COL22A1: variants seen among roughly 807,000 people sequenced by gnomAD.
COL22A1 encodes the protein collagen type XXII alpha 1 chain.
Under a neutral mutation model 248.9 loss-of-function variants are expected in COL22A1, and 221 were observed. The observed-to-expected ratio is 0.89, with a 90% CI of 0.80 to 0.99. COL22A1 has a LOEUF of 0.99. Ranked by LOEUF, COL22A1 falls within the 50% of genes least tolerant of loss-of-function variation. COL22A1 has a pLI of 0.00. For synonymous variants in COL22A1, 891 were observed against 793.4 expected, an observed-to-expected ratio of 1.12 and a Z score of -2.07; for missense variants, 2,240 against 2,179.0, an observed-to-expected ratio of 1.03 and a Z score of -0.56.
intron 1 of COL22A1, among the ~76,000 whole-genome samples, chr8:138,891,810 C>T (rs974290157): frequency 3.3e-5 from 5 of 152,188 alleles, no homozygotes; most frequent in Admixed American, 2.6e-4. Flanking sequence ...AACTATGCGT[C>T]ATCCAGTTTA....
In COL22A1 at chr8:138,856,591, TGAGAGA is replaced by T. The variant is rs148698442; in HGVS notation, c.659-12439_659-12434del. Among the ~76,000 whole-genome samples the T allele has an allele frequency of 3.6e-3, 383 of 105,884 alleles. 4 individuals carry two copies. The highest frequency in any genetic ancestry group is 4.4e-3 in the South Asian group (13 of 2,970). 69.5% of individuals were successfully genotyped at this position (105,884 alleles called of 152,430 possible). A position where few individuals can be genotyped will look rare whatever the true frequency, so the allele number is the denominator to read the frequency against. On this transcript the variant is annotated intron_variant, in intron 3 of 64. Transcript: ENST00000303045. ...GGGACAGAGAGAGAGACAGAGGCAG[TGAGAGA>T]GAGAGAGAGAGAGAGAGAGAGGAGC...
intron 44 of COL22A1, among the ~76,000 whole-genome samples, chr8:138,657,622 C>A (rs1288907177): frequency 6.6e-6 from 1 of 152,200 alleles, no homozygotes; most frequent in Non-Finnish European, 1.5e-5. Context: ...TGGATGGAGG[C>A]AGTGGCCTTG....
intron 39 of COL22A1, among the ~76,000 whole-genome samples, chr8:138,682,122 G>T (rs1166248788): frequency 6.6e-6 from 1 of 152,156 alleles, no homozygotes; most frequent in Admixed American, 6.5e-5. Flanking sequence ...GATACCAAAG[G>T]TGCAAGTATA....
chr8:138,676,612 G>A lies in COL22A1; in HGVS notation c.3096C>T (p.Ile1032=). 1 of 1,567,404 alleles carries A rather than the reference G, an allele frequency of 6.4e-7. No individual in the cohort carries two copies. Among genetic ancestry groups the A allele is most frequent in the South Asian group, 1.2e-5 (1 of 85,146 alleles). The change falls in exon 41 of 65, where the codon ATC becomes ATT. Residue 1032 remains isoleucine, a synonymous_variant. Transcript: ENST00000303045. ...CVKGDRGAPG[I]PGSPGSRGDP... is the part of the protein sequence containing the mutation. ...CACCACGGCTGCCAGGAGAACCAGG[G>A]ATCCCAGGAGCTCCTCGATCCCCCT... is the stretch of plus-strand genomic sequence containing the variant.
intron 22 of COL22A1, among the ~76,000 whole-genome samples, chr8:138,740,781 T>C (rs1251585937): frequency 1.3e-5 from 2 of 152,188 alleles, no homozygotes; most frequent in African/African-American, 2.4e-5. Context: ...AGGTCTTTCA[T>C]GGGTCATCCA....
chr8:138,618,038 C>T (rs1819477316), intron 53 of COL22A1, among the ~76,000 whole-genome samples: 1 of 152,130 alleles, frequency 6.6e-6, no homozygotes. Flanking sequence ...CTGGTGTGCT[C>T]TCCTCCCATC....
At chr8:138,652,906 C>T (rs1327544784) in intron 45 of COL22A1, among the ~76,000 whole-genome samples, 1 of 151,752 alleles carries the variant, frequency 6.6e-6, no homozygotes. Context: ...GCTACCACGT[C>T]TGACTAATTT....
intron 27 of COL22A1, among the ~76,000 whole-genome samples, chr8:138,719,736 T>C (rs774761020): frequency 2.0e-5 from 3 of 152,224 alleles, no homozygotes; most frequent in Admixed American, 1.3e-4. Context: ...GCCACTCCTG[T>C]GCTCTGGCTG....
Position 138,702,936 on chromosome 8 carries a change from C to A in COL22A1, c.2559+370G>T, listed in dbSNP as rs568027017. On this transcript the variant is annotated intron_variant, in intron 31 of 64. Transcript: ENST00000303045. ...TCAATACCAACTCACCATGCCCACC[C>A]TAACACGTATAGAGGGCCAATGAAT... Among the ~76,000 whole-genome samples the A allele has an allele frequency of 2.0e-5, 3 of 152,290 alleles. No homozygotes were observed. In the South Asian group the frequency reaches 6.2e-4, roughly 32 times the overall value.
At chr8:138,601,514 G>T (rs1233801002) in intron 60 of COL22A1, among the ~76,000 whole-genome samples, 2 of 152,158 alleles carry the variant, frequency 1.3e-5, no homozygotes, top group Non-Finnish European at 2.9e-5. Context: ...GCAGGATTGT[G>T]GGCAAACGAG....
chr8:138,748,413 T>C (rs1187631245), intron 22 of COL22A1, among the ~76,000 whole-genome samples: 1 of 152,192 alleles, frequency 6.6e-6, no homozygotes, highest in Non-Finnish European at 1.5e-5. Flanking sequence ...TCTGACAGAC[T>C]GACACATGGA....
chr8:138,864,477 G>A (rs374062260), intron 3 of COL22A1, among the ~76,000 whole-genome samples: 68 of 152,136 alleles, frequency 4.5e-4, no homozygotes, highest in Middle Eastern at 3.4e-3. Flanking sequence ...ATGATTTTGC[G>A]TGTGACTTTA....
At chr8:138,713,149 G>C (rs1428482879) in intron 30 of COL22A1, among the ~76,000 whole-genome samples, 1 of 152,124 alleles carries the variant, frequency 6.6e-6, no homozygotes, top group Non-Finnish European at 1.5e-5. Flanking sequence ...AGACCTGCTT[G>C]GCAAAAGAGC....
Position 138,760,232 on chromosome 8 carries a change from G to A in COL22A1, c.1902+11C>T. 4 of 1,566,934 alleles carry A rather than the reference G, an allele frequency of 2.6e-6. No individual in the cohort carries two copies. The highest frequency in any genetic ancestry group is 3.5e-6 in the Non-Finnish European group (4 of 1,155,556). On this transcript the variant is annotated intron_variant, in intron 18 of 64. Transcript: ENST00000303045. ...GGGCACAGAGCCCTTGACAGCCCCA[G>A]GCTCGCTCACCTTTTCTCCCTGGGG...
chr8:138,725,636 C>CTA (rs1180940713), intron 23 of COL22A1, among the ~76,000 whole-genome samples, 196 bp from the exon 24 acceptor site: 2 of 152,320 alleles, frequency 1.3e-5, no homozygotes, highest in Admixed American at 6.5e-5. Flanking sequence ...TTGCAAAATG[C>CTA]TAACATTTCA....
At chr8:138,597,111 C>A in intron 61 of COL22A1, 141 bp from the exon 62 acceptor site, 1 of 656,672 alleles carries the variant, frequency 1.5e-6, no homozygotes, top group East Asian at 2.6e-5. Flanking sequence ...CAATCTTTTC[C>A]ACATCTCTAA....
intron 14 of COL22A1, 69 bp downstream of exon 14, chr8:138,779,440 G>C: frequency 9.2e-7 from 1 of 1,092,624 alleles, no homozygotes; most frequent in Non-Finnish European, 1.4e-6. Context: ...TGCACCTAAA[G>C]CAACTGGCTT....
intron 47 of COL22A1, among the ~76,000 whole-genome samples, chr8:138,640,569 C>T (rs1821594021): frequency 6.6e-6 from 1 of 152,118 alleles, no homozygotes; most frequent in Admixed American, 6.5e-5. Flanking sequence ...CCTACCTCCT[C>T]CAGGTGGCCT....
At position 138,684,402 on chromosome 8, in the gene COL22A1, A is replaced by G. The variant is rs752122327; in HGVS notation, c.3012+23T>C. ...TCAAACGGCAACTCGTGGCACCCACAGTTTTCTTGGACAAGCACTCACCTT... is the reference window on the plus strand; with the variant it reads ...TCAAACGGCAACTCGTGGCACCCACGGTTTTCTTGGACAAGCACTCACCTT... On this transcript the variant is annotated intron_variant, in intron 39 of 64. Transcript: ENST00000303045. The G allele has an allele frequency of 2.7e-5, 42 of 1,576,240 alleles. 2 individuals are homozygous for G. In the South Asian group the frequency reaches 3.7e-4, roughly 14 times the overall value.
Sources: allele counts gnomAD v4.1 joint callset (sites outside exome capture counted in the v4.1 genomes callset), GRCh38; gene constraint gnomAD v4.1.1; transcripts MANE v1.5; gene names NCBI Gene and HGNC (gene_info 2026-07-23, HGNC 2026-07-21).